SCLY: variants seen among roughly 807,000 people sequenced by gnomAD.
SCLY encodes the protein putative selenocysteine lyase.
A neutral mutation model predicts 50.1 loss-of-function variants in SCLY; 38 were observed. The observed-to-expected ratio is 0.76, with a 90% CI of 0.59 to 0.99. The LOEUF is 0.99. Among genes scored for constraint, SCLY ranks in the 50% least tolerant of loss-of-function variants. The pLI, the probability that SCLY is intolerant of heterozygous loss-of-function variation, is 0.00. For synonymous variants in SCLY, 243 were observed against 249.4 expected (o/e 0.97, Z 0.24); for missense variants, 600 against 620.0 (o/e 0.97, Z 0.34).
At chr2:238,091,172 T>C in intron 7 of SCLY, 46 bp from the exon 8 acceptor site, 1 of 1,523,084 alleles carries the variant, frequency 6.6e-7, no homozygotes, top group Non-Finnish European at 9.1e-7. Flanking sequence ...CAGGATTCCT[T>C]CCTGAGACAT....
At chr2:238,075,803 T>G (rs1241545537) in intron 4 of SCLY, among the ~76,000 whole-genome samples, 1 of 152,070 alleles carries the variant, frequency 6.6e-6, no homozygotes, top group Non-Finnish European at 1.5e-5. Flanking sequence ...AAACTCTTTT[T>G]AAAGAACTAA....
chr2:238,099,153 T>G lies in SCLY; in HGVS notation c.*798T>G. 2.3e-6 allele frequency: 1 copy of G among 429,876 alleles called. No homozygotes were observed. Among genetic ancestry groups the G allele is most frequent in the South Asian group, 1.7e-5 (1 of 57,328 alleles). The allele number at this position is 429,876 out of a possible 1,614,324, so 26.6% of individuals were successfully genotyped here. On this transcript the variant is annotated 3_prime_UTR_variant, in exon 12 of 12. Coordinates refer to ENST00000254663, the MANE Select transcript of SCLY (RefSeq NM_016510.7). Reference sequence around the variant, plus strand: ...GGTTTCAGCTCCAACCTCGCTGAGTTGGTGCAGCTCCAGGTCATTCCTGGG... The same window carrying G: ...GGTTTCAGCTCCAACCTCGCTGAGTGGGTGCAGCTCCAGGTCATTCCTGGG...
rs35544137 is a variant in SCLY at position 238,098,250 on chromosome 2, G to A, written c.1233G>A (p.Arg411=). Residue 411 remains arginine (R), a synonymous_variant, in exon 12 of 12, where the codon AGG becomes AGA. Transcript: ENST00000254663. ...LSYGVPFDVA[R]NALRLSVGRS... The stretch of plus-strand genomic sequence containing the variant: ...ACGGTGTCCCCTTCGACGTGGCCAG[G>A]AACGCGCTCCGGCTCAGCGTGGGCC... The A allele has an allele frequency of 3.7e-3, 6,014 of 1,610,950 alleles. 25 individuals carry two copies. Among genetic ancestry groups the A allele is most frequent in the Admixed American group, 4.4e-3 (263 of 59,988 alleles).
Position 238,083,321 on chromosome 2 carries a change from T to G in SCLY, c.851T>G (p.Phe284Cys), listed in dbSNP as rs771788543. Reference sequence around the variant, plus strand: ...TTTACCCCTCTCTACCCTATGCTATTTGGAGGTGGACAAGAACGGAATTTC... The same window carrying G: ...TTTACCCCTCTCTACCCTATGCTATGTGGAGGTGGACAAGAACGGAATTTC... Reference protein sequence around the residue: ...GEFTPLYPMLFGGGQERNFRP... With the variant: ...GEFTPLYPMLCGGGQERNFRP... Residue 284 changes from phenylalanine (F) to cysteine (C), a missense_variant, in exon 7 of 12, where the codon TTT (phenylalanine) becomes TGT (cysteine). Transcript: ENST00000254663. The surrounding 1 kb of genome is among the most constrained non-coding windows in gnomAD (Gnocchi z 4.3). 1 of 1,613,706 alleles carries G rather than the reference T, an allele frequency of 6.2e-7. No individual in the cohort carries two copies. The highest frequency in any genetic ancestry group is 1.3e-5 in the African/African-American group (1 of 74,890).
rs1236452736 is a variant in SCLY, at chr2:238,066,331, T to G, written c.203-1734T>G. On this transcript the variant is annotated intron_variant, in intron 2 of 11. Transcript: ENST00000254663. The surrounding 1 kb of genome is among the most constrained non-coding windows in gnomAD (Gnocchi z 4.1). The stretch of plus-strand genomic sequence containing the variant: ...AGAAAAGGAGCGTGAAAAAGGCAGT[T>G]CTTCTCTTAGTATCATCATGAAAAC... 6.6e-6 allele frequency among the ~76,000 whole-genome samples: 1 copy of G among 152,188 alleles called. No homozygotes were observed. Among genetic ancestry groups the G allele is most frequent in the Non-Finnish European group, 1.5e-5 (1 of 68,036 alleles).
At position 238,093,888 on chromosome 2, in the gene SCLY, G is replaced by A. The variant is rs1173837247; in HGVS notation, c.949G>A (p.Glu317Lys). 8 of 1,613,944 alleles carry A rather than the reference G, an allele frequency of 5.0e-6. No individual in the cohort carries two copies. The highest frequency in any genetic ancestry group is 2.2e-5 in the South Asian group (2 of 91,040). Residue 317 changes from glutamate (E) to lysine (K), a missense_variant, in exon 9 of 12, where the codon GAG becomes AAG. Glu to Lys is a moderately conservative substitution (Grantham distance 56, BLOSUM62 1). Transcript: ENST00000254663. Reference sequence around the variant, plus strand: ...CGCGGAGCTGGTGACCCAGAACTGCGAGGCTTATGAGGCCCACATGAGGGA... The same window carrying A: ...CGCGGAGCTGGTGACCCAGAACTGCAAGGCTTATGAGGCCCACATGAGGGA... ...KAAELVTQNC[E>K]AYEAHMRDVR...
chr2:238,094,886 G>C (rs1316984432), intron 10 of SCLY: 3 of 213,816 alleles, frequency 1.4e-5, no homozygotes, highest in African/African-American at 6.9e-5. Flanking sequence ...TTGAGTGAGG[G>C]AAAGGGGAGG....
intron 7 of SCLY, among the ~76,000 whole-genome samples, chr2:238,085,676 G>A (rs1160132288): frequency 3.9e-5 from 6 of 151,978 alleles, no homozygotes; most frequent in African/African-American, 9.7e-5. Flanking sequence ...GCAGTGAGCC[G>A]AGATCGTGCC....
At position 238,068,048 on chromosome 2, in the gene SCLY, C is replaced by G. The variant is rs775193300; in HGVS notation, c.203-17C>G. The G allele has an allele frequency of 5.7e-6, 9 of 1,590,056 alleles. No individual in the cohort carries two copies. In the East Asian group the frequency reaches 2.0e-4, roughly 36 times the overall value. On this transcript the variant is annotated splice_polypyrimidine_tract_variant and intron_variant, in intron 2 of 11. Coordinates refer to ENST00000254663, the MANE Select transcript of SCLY (RefSeq NM_016510.7). ...TGGTGAAGCAATGTTAATGAATTTC[C>G]TTTTTGGTCCCTCAAGGAAGAAAGG...
chr2:238,069,369 G>A lies in SCLY; in HGVS notation c.376G>A (p.Gly126Arg). ...ANQTSKGHTG[G>R]HHSPVKGAKP... ...CCAGACCTCAAAGGGACACACAGGT[G>A]GGCACCACAGCCCAGTGAAGGGGGC... The change falls in exon 4 of 12, where the codon GGG becomes AGG. Residue 126 changes from glycine to arginine, a missense_variant. By Grantham distance (125) the Gly-to-Arg change is moderately radical (BLOSUM62 -2). Transcript: ENST00000254663. This position sits in a 1 kb window ranked among gnomAD's most constrained non-coding sequence, Gnocchi z 5.0. 1 of 1,614,138 alleles carries A rather than the reference G, an allele frequency of 6.2e-7. No individual in the cohort carries two copies. The highest frequency in any genetic ancestry group is 8.5e-7 in the Non-Finnish European group (1 of 1,179,986).
intron 4 of SCLY, among the ~76,000 whole-genome samples, chr2:238,077,154 C>T (rs937466860): frequency 2.6e-5 from 4 of 152,054 alleles, no homozygotes; most frequent in African/African-American, 9.7e-5. Flanking sequence ...GTTTTTGCTT[C>T]GTGTATTTTG....
At chr2:238,074,589 T>C (rs1268505117) in intron 4 of SCLY, among the ~76,000 whole-genome samples, 2 of 152,104 alleles carry the variant, frequency 1.3e-5, no homozygotes, top group Non-Finnish European at 2.9e-5. Flanking sequence ...GTTCAAGCGA[T>C]TCTCCTGCCT....
At chr2:238,092,222 C>G (rs2065370078) in intron 8 of SCLY, 1 of 152,274 alleles carries the variant, frequency 6.6e-6, no homozygotes, top group South Asian at 2.1e-4. Context: ...GTAGTTGGAA[C>G]CACAGGCATG....
chr2:238,098,619 G>GAACCGCCCACATA lies in SCLY; in HGVS notation c.*264_*265insAACCGCCCACATA, dbSNP rs1691327496. On this transcript the variant is annotated 3_prime_UTR_variant, in exon 12 of 12. Coordinates refer to ENST00000254663, the MANE Select transcript of SCLY (RefSeq NM_016510.7). ...ACCGCCCACATAGGACCGCCCACAT[G>GAACCGCCCACATA]GGACCGCCCACATGGGACCGCCCAC... 11 of 208,728 alleles carry GAACCGCCCACATA rather than the reference G, an allele frequency of 5.3e-5. 1 individual carries two copies. Among genetic ancestry groups the GAACCGCCCACATA allele is most frequent in the African/African-American group, 2.1e-4 (5 of 23,274 alleles). 12.9% of individuals were successfully genotyped at this position (208,728 alleles called of 1,614,324 possible).
intron 4 of SCLY, among the ~76,000 whole-genome samples, chr2:238,073,281 C>G (rs2065143600): frequency 1.3e-5 from 2 of 152,290 alleles, no homozygotes; most frequent in Non-Finnish European, 2.9e-5. Context: ...AGTTTTGAAA[C>G]AGGAAAGTAG....
At chr2:238,072,289 G>A (rs900887873) in intron 4 of SCLY, among the ~76,000 whole-genome samples, 2 of 152,164 alleles carry the variant, frequency 1.3e-5, no homozygotes, top group African/African-American at 4.8e-5. Flanking sequence ...TCTGTCAGTT[G>A]ATAGACATTT....
At position 238,098,205 on chromosome 2, in the gene SCLY, G is replaced by A. The variant is rs1327321785; in HGVS notation, c.1188G>A (p.Pro396=). 9 of 1,566,718 alleles carry A rather than the reference G, an allele frequency of 5.7e-6. No individual in the cohort carries two copies. The highest frequency in any genetic ancestry group is 3.3e-5 in the South Asian group (3 of 90,390). ...AGCTCGGTCTCGCCCTCCCCAGGCC[G>A]TCCCCAGTGCTGCTGAGCTACGGTG... The part of the protein sequence containing the change: ...AACHSDHGDQ[P]SPVLLSYGVP... Residue 396 remains proline, a synonymous_variant, in exon 12 of 12, where the codon CCG becomes CCA. Transcript: ENST00000254663.
chr2:238,094,550 G>A (rs779112948), intron 10 of SCLY, 28 bp downstream of exon 10: 49 of 1,565,652 alleles, frequency 3.1e-5, no homozygotes, highest in East Asian at 2.7e-4. Flanking sequence ...TGGTCTTTCC[G>A]AGTGTGAGCA....
chr2:238,071,407 G>A (rs1014479506), intron 4 of SCLY, among the ~76,000 whole-genome samples: 99 of 152,124 alleles, frequency 6.5e-4, no homozygotes, highest in Non-Finnish European at 5.6e-4. Context: ...AGGAATTTGA[G>A]ACCAGCCTGG....
Sources: allele counts gnomAD v4.1 joint callset (sites outside exome capture counted in the v4.1 genomes callset), GRCh38; gene constraint gnomAD v4.1.1; non-coding constraint Gnocchi (gnomAD v3.1); transcripts MANE v1.5; gene names NCBI Gene and HGNC (gene_info 2026-07-23, HGNC 2026-07-21).